Variants in ROBO2 observed in about 807,000 individuals in gnomAD.
ROBO2 encodes roundabout guidance receptor 2, also known as roundabout homolog 2.
A neutral mutation model predicts 160.8 loss-of-function variants in ROBO2; 53 were observed. The ratio of observed to expected loss-of-function variants is 0.33; its 90% confidence interval spans 0.26 to 0.41. ROBO2 has a LOEUF of 0.41. ROBO2 is among the 10% of genes least tolerant of loss of function. The pLI, the probability that ROBO2 is intolerant of heterozygous loss-of-function variation, is 1.00. For synonymous variants in ROBO2, 664 were observed against 611.7 expected, an observed-to-expected ratio of 1.09 and a Z score of -1.26; for missense variants, 1,577 against 1,722.4, an observed-to-expected ratio of 0.92 and a Z score of 1.49.
At chr3:75,989,471 C>T (rs1172882824) in intron 2 of ROBO2, among the ~76,000 whole-genome samples, 1 of 152,094 alleles carries the variant, frequency 6.6e-6, no homozygotes, top group Non-Finnish European at 1.5e-5. Context: ...GTTAACCCAA[C>T]AAAGTGATCT....
In ROBO2 at chr3:76,793,390, T is replaced by C. The variant is rs1349109309; in HGVS notation, c.110-304624T>C. Among the ~76,000 whole-genome samples the C allele has an allele frequency of 2.0e-5, 3 of 151,860 alleles. No homozygotes were observed. In the East Asian group the frequency reaches 5.8e-4, roughly 29 times the overall value. On this transcript the variant is annotated intron_variant, in intron 2 of 26. Transcript: ENST00000487694. Reference sequence around the variant, plus strand: ...GGGGGAACCTGAACGGCGTTAGCTTTGGTCACATGGTCACTTTAGGTACGA... The same window carrying C: ...GGGGGAACCTGAACGGCGTTAGCTTCGGTCACATGGTCACTTTAGGTACGA...
chr3:76,235,675 CTG>C (rs1338317984), intron 2 of ROBO2, among the ~76,000 whole-genome samples: 7 of 152,258 alleles, frequency 4.6e-5, no homozygotes, highest in African/African-American at 1.7e-4. Flanking sequence ...GAACTTGTAA[CTG>C]TACGTGTTCA....
chr3:76,221,927 C>T (rs548758426), intron 2 of ROBO2, among the ~76,000 whole-genome samples: 1 of 152,150 alleles, frequency 6.6e-6, no homozygotes, highest in Non-Finnish European at 1.5e-5. Context: ...GCACAAAATG[C>T]TGCCACTTCC....
At chr3:76,530,372 T>C (rs1309549248) in intron 2 of ROBO2, among the ~76,000 whole-genome samples, 1 of 152,184 alleles carries the variant, frequency 6.6e-6, no homozygotes, top group Non-Finnish European at 1.5e-5. Flanking sequence ...TTGGAGACAC[T>C]GACTCTATTA....
At chr3:77,563,563 A>G (rs1472269160) in intron 11 of ROBO2, among the ~76,000 whole-genome samples, 2 of 152,152 alleles carry the variant, frequency 1.3e-5, no homozygotes, top group African/African-American at 4.8e-5. Context: ...GATCCAGTTC[A>G]TAACATAATC....
chr3:77,333,246 A>G (rs1464051875), intron 2 of ROBO2, among the ~76,000 whole-genome samples: 1 of 152,204 alleles, frequency 6.6e-6, no homozygotes, highest in Non-Finnish European at 1.5e-5. Context: ...TGATTCAACC[A>G]TGCATTCTTA....
intron 2 of ROBO2, among the ~76,000 whole-genome samples, chr3:76,981,942 G>A (rs2060120965): frequency 6.6e-6 from 1 of 152,082 alleles, no homozygotes; most frequent in Non-Finnish European, 1.5e-5. Context: ...AGCCATGAGG[G>A]ATGCACCCCC....
intron 2 of ROBO2, among the ~76,000 whole-genome samples, chr3:76,561,238 AAAAT>A (rs1286641012): frequency 6.6e-6 from 1 of 152,046 alleles, no homozygotes; most frequent in Non-Finnish European, 1.5e-5. Context: ...GTTGAATCCT[AAAAT>A]AAGTTAATTT....
intron 2 of ROBO2, among the ~76,000 whole-genome samples, chr3:76,661,129 T>G (rs2091799579): frequency 6.6e-6 from 1 of 152,192 alleles, no homozygotes; most frequent in African/African-American, 2.4e-5. Context: ...CAATTTTATT[T>G]ACATGTTAAT....
At chr3:76,113,096 T>C (rs2108247187) in intron 2 of ROBO2, among the ~76,000 whole-genome samples, 1 of 152,138 alleles carries the variant, frequency 6.6e-6, no homozygotes, top group East Asian at 1.9e-4. Flanking sequence ...GCTATATTTA[T>C]AGACTTAAAG....
chr3:77,422,418 C>T (rs549365200), intron 2 of ROBO2, among the ~76,000 whole-genome samples: 23 of 152,220 alleles, frequency 1.5e-4, no homozygotes, highest in African/African-American at 4.8e-4. Flanking sequence ...GCATCCCAGA[C>T]GGCTCCTGGT....
intron 2 of ROBO2, among the ~76,000 whole-genome samples, chr3:75,975,772 T>C (rs1212272448): frequency 6.6e-6 from 1 of 151,630 alleles, no homozygotes; most frequent in African/African-American, 2.4e-5. Context: ...GTATCTGTGA[T>C]CTATAATTTA....
At chr3:77,278,738 T>C (rs191532488) in intron 2 of ROBO2, among the ~76,000 whole-genome samples, 2 of 152,084 alleles carry the variant, frequency 1.3e-5, no homozygotes, top group African/African-American at 2.4e-5. Flanking sequence ...AAAATCAGAG[T>C]TGACTAATTT....
At chr3:77,459,987 T>A (rs1319126893) in intron 2 of ROBO2, among the ~76,000 whole-genome samples, 1 of 152,090 alleles carries the variant, frequency 6.6e-6, no homozygotes, top group African/African-American at 2.4e-5. Flanking sequence ...AAAAAGATGT[T>A]AACATTTATT....
upstream of ROBO2, among the ~76,000 whole-genome samples, chr3:77,038,828 C>T (rs770773074): frequency 3.9e-5 from 6 of 152,220 alleles, no homozygotes; most frequent in Non-Finnish European, 8.8e-5. Flanking sequence ...GTTTTGTCGT[C>T]TTTGGGCTGA....
chr3:76,556,269 T>C (rs2083786285), intron 2 of ROBO2, among the ~76,000 whole-genome samples: 2 of 152,128 alleles, frequency 1.3e-5, no homozygotes, highest in Admixed American at 1.3e-4. Flanking sequence ...CTTCCATATG[T>C]TTTCCACCTT....
intron 8 of ROBO2, among the ~76,000 whole-genome samples, chr3:77,554,213 G>T (rs2093028397): frequency 6.6e-6 from 1 of 151,788 alleles, no homozygotes; most frequent in Non-Finnish European, 1.5e-5. Context: ...TTACAGCATG[G>T]TTTACCTACC....
intron 2 of ROBO2, among the ~76,000 whole-genome samples, chr3:76,121,193 C>T (rs1183116642): frequency 2.0e-5 from 3 of 151,968 alleles, no homozygotes; most frequent in Non-Finnish European, 2.9e-5. Flanking sequence ...CACAATCAGT[C>T]GAATAGAGTC....
intron 2 of ROBO2, among the ~76,000 whole-genome samples, chr3:76,488,606 C>T (rs1400840772): frequency 3.3e-5 from 5 of 152,134 alleles, no homozygotes; most frequent in African/African-American, 1.2e-4. Flanking sequence ...TGATAAGGTC[C>T]ATCCTATCTA....
Sources: allele counts gnomAD v4.1 joint callset (sites outside exome capture counted in the v4.1 genomes callset), GRCh38; gene constraint gnomAD v4.1.1; transcripts MANE v1.5; gene names NCBI Gene and HGNC (gene_info 2026-07-23, HGNC 2026-07-21).